ARHGAP26: variants seen among roughly 807,000 people sequenced by gnomAD.
The protein encoded by ARHGAP26 is Rho GTPase activating protein 26.
A neutral mutation model predicts 104.8 loss-of-function variants in ARHGAP26; 38 were observed. That is an observed-to-expected ratio of 0.36 (90% CI 0.28 to 0.48). The LOEUF is 0.48. Ranked by LOEUF, ARHGAP26 falls within the 20% of genes least tolerant of loss-of-function variation. The pLI, the probability that ARHGAP26 is intolerant of heterozygous loss-of-function variation, is 0.99. For missense variants in ARHGAP26, 704 were observed against 947.9 expected (o/e 0.74, Z 3.38); for synonymous variants, 341 against 340.0 (o/e 1.00, Z -0.03).
intron 11 of ARHGAP26, among the ~76,000 whole-genome samples, chr5:143,006,316 C>CTTTT: frequency 8.9e-6 from 1 of 112,874 alleles, no homozygotes; most frequent in South Asian, 3.0e-4. Context: ...AGTGTTTTTT[C>CTTTT]TTTTTTTTTT....
chr5:143,222,273 ACACACACACACCC>A, intron 22 of ARHGAP26, 72 bp from the exon 23 acceptor site: 1 of 568,800 alleles, frequency 1.8e-6, no homozygotes, highest in Non-Finnish European at 2.7e-6. Flanking sequence ...ACACACACAC[ACACACACACACCC>A]CACACACACA....
Position 143,097,241 on chromosome 5 carries a change from C to T in ARHGAP26, c.1539-23747C>T, listed in dbSNP as rs1044227951. ...GTAATCTGGGGTGGGGCAGGGGAGG[C>T]GGCTGAGGCAGGAGGACCGCTTGAA... On this transcript the variant is annotated intron_variant, in intron 17 of 22. Transcript: ENST00000645722. Among the ~76,000 whole-genome samples the T allele has an allele frequency of 4.4e-4, 66 of 150,056 alleles. 1 individual carries two copies. Among genetic ancestry groups the T allele is most frequent in the African/African-American group, 6.9e-4 (28 of 40,792 alleles).
chr5:142,990,627 A>T lies in ARHGAP26; in HGVS notation c.1108-23453A>T, dbSNP rs184017703. On this transcript the variant is annotated intron_variant, in intron 11 of 22. Transcript: ENST00000645722. ...TTTTGGTCTTTGATGATGGTGACGT[A>T]CAGATGGGGTTTTGGTGTGGATGTC... 2.7e-4 allele frequency among the ~76,000 whole-genome samples: 41 copies of T among 152,310 alleles called. No homozygotes were observed. In the East Asian group the frequency reaches 6.4e-3, roughly 24 times the overall value.
chr5:143,087,607 C>T (rs1790767131), intron 17 of ARHGAP26, among the ~76,000 whole-genome samples: 1 of 147,852 alleles, frequency 6.8e-6, no homozygotes, highest in Admixed American at 6.8e-5. Flanking sequence ...CCAGAATACT[C>T]CTCCTCATCT....
chr5:143,163,525 A>C (rs1205108625), intron 20 of ARHGAP26, among the ~76,000 whole-genome samples: 4 of 133,032 alleles, frequency 3.0e-5, no homozygotes, highest in African/African-American at 5.1e-5. Context: ...ATCTTGGCTC[A>C]CTGCAACCTT....
chr5:142,987,102 C>T (rs558108110), intron 11 of ARHGAP26, among the ~76,000 whole-genome samples: 6 of 152,262 alleles, frequency 3.9e-5, no homozygotes, highest in Admixed American at 6.5e-5. Flanking sequence ...GCCATTTTCA[C>T]GATATTGATT....
intron 17 of ARHGAP26, among the ~76,000 whole-genome samples, chr5:143,113,416 C>T (rs1795006980): frequency 6.6e-6 from 1 of 152,128 alleles, no homozygotes; most frequent in Non-Finnish European, 1.5e-5. Context: ...CTTTGACATC[C>T]TTGAATGAAA....
intron 1 of ARHGAP26, among the ~76,000 whole-genome samples, chr5:142,802,269 G>C (rs1331626650): frequency 6.6e-6 from 1 of 152,190 alleles, no homozygotes; most frequent in Non-Finnish European, 1.5e-5. Flanking sequence ...TAACAGAGCT[G>C]TACCCAGTTA....
intron 1 of ARHGAP26, among the ~76,000 whole-genome samples, chr5:142,812,053 G>T (rs1298406422): frequency 6.6e-6 from 1 of 152,034 alleles, no homozygotes; most frequent in Non-Finnish European, 1.5e-5. Flanking sequence ...CCTGGATGAC[G>T]TTTTTTGGAA....
Position 142,770,586 on chromosome 5 carries a change from C to A in ARHGAP26, c.-176C>A. 1 of 289,076 alleles carries A rather than the reference C, an allele frequency of 3.5e-6. No homozygotes were observed. Among genetic ancestry groups the A allele is most frequent in the Non-Finnish European group, 5.5e-6 (1 of 182,264 alleles). 17.9% of individuals were successfully genotyped at this position (289,076 alleles called of 1,614,324 possible). ...GCAGCACCTCGGCCGGGTCCGAGCT[C>A]GGTTCGGGAGTCTTGCGCGCCGGCG... On this transcript the variant is annotated 5_prime_UTR_variant, in exon 1 of 23. Transcript: ENST00000645722.
At chr5:142,896,168 T>C (rs1759453278) in intron 6 of ARHGAP26, among the ~76,000 whole-genome samples, 1 of 152,230 alleles carries the variant, frequency 6.6e-6, no homozygotes, top group East Asian at 1.9e-4. Context: ...CTTCCTGTGG[T>C]CAGGGCAGGA....
intron 21 of ARHGAP26, among the ~76,000 whole-genome samples, chr5:143,211,946 T>A (rs1043998913): frequency 1.3e-5 from 2 of 152,218 alleles, no homozygotes; most frequent in South Asian, 4.1e-4. Context: ...TGAATGATAA[T>A]CTTGGGCACC....
At chr5:142,876,011 G>A (rs1756033175) in intron 3 of ARHGAP26, among the ~76,000 whole-genome samples, 1 of 152,268 alleles carries the variant, frequency 6.6e-6, no homozygotes, top group South Asian at 2.1e-4. Context: ...CAAAATGCTG[G>A]GATTACAGGC....
chr5:143,051,766 C>T (rs1053123303), intron 14 of ARHGAP26, among the ~76,000 whole-genome samples: 1 of 152,144 alleles, frequency 6.6e-6, no homozygotes, highest in Non-Finnish European at 1.5e-5. Context: ...TTACAGAGCC[C>T]GAATAAGTGG....
intron 17 of ARHGAP26, among the ~76,000 whole-genome samples, chr5:143,088,659 C>T (rs768504163): frequency 6.6e-6 from 1 of 152,270 alleles, no homozygotes; most frequent in East Asian, 1.9e-4. Context: ...TTATAATTCT[C>T]AGCAAGGCAA....
At position 142,830,039 on chromosome 5, in the gene ARHGAP26, T is replaced by C. The variant is rs527309249; in HGVS notation, c.155-43361T>C. On this transcript the variant is annotated intron_variant, in intron 1 of 22. Transcript: ENST00000645722. Reference sequence around the variant, plus strand: ...AAGGGGCAATTGGTGTGAGGAAATATTGGCCCAGGGTGAACCTTTTCAAGT... The same window carrying C: ...AAGGGGCAATTGGTGTGAGGAAATACTGGCCCAGGGTGAACCTTTTCAAGT... Among the ~76,000 whole-genome samples, 27 of 152,326 alleles carry C rather than the reference T, an allele frequency of 1.8e-4. No individual in the cohort carries two copies. In the South Asian group the frequency reaches 5.4e-3, roughly 30 times the overall value.
At chr5:143,000,008 G>A (rs1467800854) in intron 11 of ARHGAP26, among the ~76,000 whole-genome samples, 1 of 152,124 alleles carries the variant, frequency 6.6e-6, no homozygotes, top group Non-Finnish European at 1.5e-5. Context: ...ACATGAAAAA[G>A]TATACATCAT....
chr5:142,798,980 T>C (rs996580318), intron 1 of ARHGAP26, among the ~76,000 whole-genome samples: 3 of 152,210 alleles, frequency 2.0e-5, no homozygotes, highest in Non-Finnish European at 4.4e-5. Flanking sequence ...GCCTGGCAGC[T>C]TTCCTGGGCA....
At chr5:142,852,743 A>G (rs563679181) in intron 1 of ARHGAP26, among the ~76,000 whole-genome samples, 4 of 152,156 alleles carry the variant, frequency 2.6e-5, no homozygotes, top group Non-Finnish European at 5.9e-5. Context: ...TTTCCCTGGA[A>G]CTCTGTCATC....
Sources: gnomAD v4.1 joint callset for allele counts (sites outside exome capture counted in the v4.1 genomes callset) on GRCh38, gnomAD v4.1.1 for gene constraint, MANE v1.5 for transcripts, NCBI Gene and HGNC (gene_info 2026-07-23, HGNC 2026-07-21) for gene names.